Variants in ALPL observed in about 807,000 individuals in gnomAD.
ALPL encodes the protein alkaline phosphatase, biomineralization associated.
ALPL carries 42 observed loss-of-function variants against 51.3 expected under a neutral mutation model. That is an observed-to-expected ratio of 0.82 (90% CI 0.64 to 1.06). ALPL has a LOEUF of 1.06. ALPL is among the 50% of genes least tolerant of loss of function. The pLI is 0.00. For missense variants in ALPL, 589 were observed against 709.4 expected (o/e 0.83, Z 1.93); for synonymous variants, 279 against 296.4 (o/e 0.94, Z 0.60).
intron 2 of ALPL, among the ~76,000 whole-genome samples, chr1:21,560,091 CT>C (rs1644463211): frequency 1.3e-5 from 2 of 152,344 alleles, no homozygotes; most frequent in Middle Eastern, 3.4e-3. Context: ...GCAAGCTTCG[CT>C]TTCCAGCACT....
At chr1:21,575,207 T>G (rs1363241704) in intron 9 of ALPL, among the ~76,000 whole-genome samples, 1 of 152,108 alleles carries the variant, frequency 6.6e-6, no homozygotes, top group African/African-American at 2.4e-5. Flanking sequence ...TTAGGACGAG[T>G]CACACCTGAA....
At position 21,564,023 on chromosome 1, in the gene ALPL, G is replaced by C. The variant is rs376690819; in HGVS notation, c.473-18G>C. On this transcript the variant is annotated intron_variant, in intron 5 of 11. Transcript: ENST00000374840. The surrounding 1 kb of genome is among the most constrained non-coding windows in gnomAD (Gnocchi z 5.8). ...CCGATCTGTGGATAAAGCCAAACCC[G>C]CCCCTCCTGCACCCCAGGGAAATCT... The C allele has an allele frequency of 6.2e-7, 1 of 1,612,854 alleles. No homozygotes were observed. The highest frequency in any genetic ancestry group is 8.5e-7 in the Non-Finnish European group (1 of 1,179,892).
At position 21,570,483 on chromosome 1, in the gene ALPL, C is replaced by CCT. The variant is rs1352558017; in HGVS notation, c.862+112_862+113dup. Reference sequence around the variant, plus strand: ...CCCTAGCCTGACGCCCACTTAGGGGCCTCTGCTCTTGGGCTTCAGGACCTG... The same window carrying CCT: ...CCCTAGCCTGACGCCCACTTAGGGGCCTCTCTGCTCTTGGGCTTCAGGACCTG... On this transcript the variant is annotated intron_variant, in intron 8 of 11. Coordinates refer to ENST00000374840, the MANE Select transcript of ALPL (RefSeq NM_000478.6). 6.8e-6 allele frequency: 8 copies of CCT among 1,173,864 alleles called. No individual in the cohort carries two copies. In the Admixed American group the frequency reaches 1.6e-4, roughly 23 times the overall value. 72.7% of individuals were successfully genotyped at this position (1,173,864 alleles called of 1,614,324 possible). A position where few individuals can be genotyped will look rare whatever the true frequency, so the allele number is the denominator to read the frequency against.
chr1:21,570,425 G>T, intron 8 of ALPL, 51 bp downstream of exon 8: 1 of 1,579,580 alleles, frequency 6.3e-7, no homozygotes, highest in Non-Finnish European at 8.7e-7. Flanking sequence ...CCTGGTGGCC[G>T]GAGCTGCGTG....
intron 1 of ALPL, among the ~76,000 whole-genome samples, chr1:21,543,863 C>T (rs138924873): frequency 7.9e-5 from 12 of 152,324 alleles, no homozygotes; most frequent in African/African-American, 2.9e-4. Flanking sequence ...CTGATGCTCC[C>T]TGGAGGCACA....
At chr1:21,549,210 AC>A (rs34771761) in intron 1 of ALPL, among the ~76,000 whole-genome samples, 16,045 of 151,896 alleles carry the variant, frequency 0.11, 906 homozygotes, top group Middle Eastern at 0.2. Flanking sequence ...GTTTTCTGTG[AC>A]CCCATTCCCT....
chr1:21,516,354 TA>T (rs1643800282), intron 1 of ALPL, among the ~76,000 whole-genome samples: 1 of 152,190 alleles, frequency 6.6e-6, no homozygotes, highest in Non-Finnish European at 1.5e-5. Flanking sequence ...TGAGCCCTTC[TA>T]TAGCTCCTCT....
At chr1:21,512,886 G>A (rs1643719007) in intron 1 of ALPL, among the ~76,000 whole-genome samples, 1 of 152,102 alleles carries the variant, frequency 6.6e-6, no homozygotes, top group African/African-American at 2.4e-5. Context: ...TGAGAGTAGG[G>A]GGTTAGGGAG....
intron 1 of ALPL, among the ~76,000 whole-genome samples, chr1:21,531,698 G>A (rs1644032564): frequency 6.6e-6 from 1 of 152,230 alleles, no homozygotes; most frequent in African/African-American, 2.4e-5. Context: ...GGCAGGTCCA[G>A]AGGGTGGCTG....
Position 21,560,704 on chromosome 1 carries a change from A to G in ALPL, c.140A>G (p.Asn47Ser). ...TATGCCCTGGAGCTTCAGAAGCTCAACACCAACGTGGCTAAGAATGTCATC... is the reference window on the plus strand; with the variant it reads ...TATGCCCTGGAGCTTCAGAAGCTCAGCACCAACGTGGCTAAGAATGTCATC... Reference protein sequence around the residue: ...LKYALELQKLNTNVAKNVIMF... With the variant: ...LKYALELQKLSTNVAKNVIMF... Residue 47 changes from asparagine to serine, a missense_variant, in exon 3 of 12, where the codon AAC becomes AGC. Physicochemically the swap from Asn to Ser is conservative, Grantham distance 46. Transcript: ENST00000374840. The G allele has an allele frequency of 6.2e-7, 1 of 1,614,208 alleles. No homozygotes were observed. Among genetic ancestry groups the G allele is most frequent in the Non-Finnish European group, 8.5e-7 (1 of 1,180,038 alleles).
intron 1 of ALPL, among the ~76,000 whole-genome samples, chr1:21,530,391 C>T (rs906201135): frequency 6.6e-6 from 1 of 152,152 alleles, no homozygotes; most frequent in Non-Finnish European, 1.5e-5. Flanking sequence ...AACTTGTGAG[C>T]TTACTCCGTG....
At chr1:21,532,219 T>C (rs2148091714) in intron 1 of ALPL, among the ~76,000 whole-genome samples, 1 of 152,048 alleles carries the variant, frequency 6.6e-6, no homozygotes, top group East Asian at 1.9e-4. Flanking sequence ...TGAAATGGAG[T>C]CTTGCTTTGT....
In ALPL at chr1:21,554,025, CA is replaced by C; in HGVS notation, c.-56del. ...TGACCACTGCCAGCCCACCCCCTCC[CA>C]CCCACGTCGATTGCATCTCTGGGCT... On this transcript the variant is annotated 5_prime_UTR_variant, in exon 2 of 12. Transcript: ENST00000374840. 1 of 1,229,160 alleles carries C rather than the reference CA, an allele frequency of 8.1e-7. No individual in the cohort carries two copies. The highest frequency in any genetic ancestry group is 1.2e-5 in the South Asian group (1 of 83,638). The allele number at this position is 1,229,160 out of a possible 1,614,324, so 76.1% of individuals were successfully genotyped here.
At chr1:21,519,339 G>C (rs1019243240) in intron 1 of ALPL, among the ~76,000 whole-genome samples, 2 of 152,200 alleles carry the variant, frequency 1.3e-5, no homozygotes, top group Non-Finnish European at 2.9e-5. Flanking sequence ...GGCTCAGTGC[G>C]GGGCCCGCGG....
intron 1 of ALPL, among the ~76,000 whole-genome samples, chr1:21,527,865 A>G (rs919003054): frequency 1.3e-5 from 2 of 152,012 alleles, no homozygotes; most frequent in Non-Finnish European, 2.9e-5. Flanking sequence ...TAACATTTGA[A>G]TGGCTGTTTA....
chr1:21,554,066 G>A lies in ALPL; in HGVS notation c.-16G>A. 1 of 1,513,488 alleles carries A rather than the reference G, an allele frequency of 6.6e-7. No individual in the cohort carries two copies. The highest frequency in any genetic ancestry group is 1.1e-5 in the South Asian group (1 of 89,650). The allele number at this position is 1,513,488 out of a possible 1,614,324, so 93.8% of individuals were successfully genotyped here. On this transcript the variant is annotated 5_prime_UTR_variant, in exon 2 of 12. Coordinates refer to ENST00000374840, the MANE Select transcript of ALPL (RefSeq NM_000478.6). ...ATCTCTGGGCTCCAGGGATAAAGCA[G>A]GTCTTGGGGTGCACCATGATTTCAC...
chr1:21,555,393 T>C (rs1361464594), intron 2 of ALPL, among the ~76,000 whole-genome samples: 1 of 152,204 alleles, frequency 6.6e-6, no homozygotes, highest in Non-Finnish European at 1.5e-5. Context: ...ATATGATGGC[T>C]TAGCTTGGGC....
rs190533210 is a variant in ALPL, at chr1:21,518,728, T to C, written c.-105+9211T>C. Among the ~76,000 whole-genome samples the C allele has an allele frequency of 6.9e-3, 1,049 of 152,280 alleles. 13 individuals carry two copies. The highest frequency in any genetic ancestry group is 0.023 in the African/African-American group (954 of 41,554). ...CAAGCTCTCAGCTATGAATTTGGTT[T>C]GGGGAGAGGGCTCCGTAATAGGCCA... is the stretch of plus-strand genomic sequence containing the variant. On this transcript the variant is annotated intron_variant, in intron 1 of 11. Coordinates refer to ENST00000374840, the MANE Select transcript of ALPL (RefSeq NM_000478.6).
At chr1:21,556,360 G>T (rs1341182242) in intron 2 of ALPL, among the ~76,000 whole-genome samples, 2 of 152,200 alleles carry the variant, frequency 1.3e-5, no homozygotes, top group East Asian at 1.9e-4. Flanking sequence ...GCTTTAGCAG[G>T]CCTGGTATGG....
Sources: allele counts gnomAD v4.1 joint callset (sites outside exome capture counted in the v4.1 genomes callset), GRCh38; gene constraint gnomAD v4.1.1; non-coding constraint Gnocchi (gnomAD v3.1); transcripts MANE v1.5; gene names NCBI Gene and HGNC (gene_info 2026-07-23, HGNC 2026-07-21).